Variants in SCTR observed in about 807,000 individuals in gnomAD.
SCTR encodes the protein secretin receptor.
SCTR carries 56 observed loss-of-function variants against 60.8 expected under a neutral mutation model. The ratio of observed to expected loss-of-function variants is 0.92; its 90% CI spans 0.74 to 1.15. The LOEUF (loss-of-function observed/expected upper bound fraction) is 1.15. Ranked by LOEUF, SCTR falls within the 50% of genes most tolerant of loss-of-function variation. The pLI, the probability that SCTR is intolerant of heterozygous loss-of-function variation, is 0.00. For missense variants in SCTR, 562 were observed against 550.4 expected (o/e 1.02, Z -0.21); for synonymous variants, 202 against 217.0 (o/e 0.93, Z 0.61).
intron 9 of SCTR, among the ~76,000 whole-genome samples, chr2:119,449,446 G>T (rs909819456): frequency 2.6e-5 from 4 of 152,156 alleles, no homozygotes; most frequent in Admixed American, 2.6e-4. Flanking sequence ...GATTGGAAGA[G>T]AAAATATCTT....
intron 1 of SCTR, among the ~76,000 whole-genome samples, chr2:119,501,234 C>G (rs1207065952): frequency 1.3e-5 from 2 of 152,022 alleles, no homozygotes; most frequent in African/African-American, 4.8e-5. Context: ...CACGGTGAAA[C>G]CCTGTCTCTA....
chr2:119,458,782 C>G (rs1683482438), intron 7 of SCTR, among the ~76,000 whole-genome samples: 1 of 152,144 alleles, frequency 6.6e-6, no homozygotes. Flanking sequence ...TGAGCAACAC[C>G]TGGGAACACG....
intron 1 of SCTR, among the ~76,000 whole-genome samples, chr2:119,495,158 T>C (rs956699893): frequency 6.6e-6 from 1 of 151,944 alleles, no homozygotes; most frequent in African/African-American, 2.4e-5. Flanking sequence ...CAGATATATA[T>C]ACACACACAT....
At chr2:119,463,697 C>G (rs1328035097) in intron 6 of SCTR, among the ~76,000 whole-genome samples, 1 of 152,208 alleles carries the variant, frequency 6.6e-6, no homozygotes, top group Non-Finnish European at 1.5e-5. Flanking sequence ...TAAGAAAACA[C>G]AACGTTTTAT....
chr2:119,442,726 A>G (rs1682701552), intron 11 of SCTR, among the ~76,000 whole-genome samples: 1 of 152,094 alleles, frequency 6.6e-6, no homozygotes, highest in Non-Finnish European at 1.5e-5. Flanking sequence ...GCACATTAGA[A>G]TCACCTGGGA....
chr2:119,491,208 T>C (rs573327626), intron 2 of SCTR, among the ~76,000 whole-genome samples: 1 of 152,342 alleles, frequency 6.6e-6, no homozygotes, highest in East Asian at 1.9e-4. Context: ...GAGGTGATCT[T>C]TTCATAATGC....
At chr2:119,442,945 T>A (rs1682710678) in intron 11 of SCTR, among the ~76,000 whole-genome samples, 1 of 151,928 alleles carries the variant, frequency 6.6e-6, no homozygotes, top group South Asian at 2.1e-4. Flanking sequence ...CCCAGGTGCT[T>A]CATTTAACCT....
intron 4 of SCTR, among the ~76,000 whole-genome samples, chr2:119,472,702 C>T (rs1314011691): frequency 1.3e-5 from 2 of 152,160 alleles, no homozygotes; most frequent in African/African-American, 4.8e-5. Context: ...AGTGCAGCGA[C>T]ACAATCACTG....
At chr2:119,481,409 G>C (rs1013844817) in intron 2 of SCTR, among the ~76,000 whole-genome samples, 2 of 152,176 alleles carry the variant, frequency 1.3e-5, no homozygotes, top group African/African-American at 4.8e-5. Flanking sequence ...GAGATATGCA[G>C]ATCTCTAGGC....
rs60387214 is a variant in SCTR, at chr2:119,514,613, C to G, written c.72+9542G>C. 8.8e-3 allele frequency among the ~76,000 whole-genome samples: 1,337 copies of G among 152,250 alleles called. 23 individuals carry two copies. Among genetic ancestry groups the G allele is most frequent in the African/African-American group, 0.03 (1,252 of 41,536 alleles). On this transcript the variant is annotated intron_variant, in intron 1 of 12. Coordinates refer to ENST00000019103, the MANE Select transcript of SCTR (RefSeq NM_002980.3). ...AATAAAGGCTGGGTGCAGTGGCTCA[C>G]GGCTGCAATCCTAGCACTTTGGGAG...
intron 1 of SCTR, among the ~76,000 whole-genome samples, chr2:119,509,527 G>A (rs1404186191): frequency 6.6e-6 from 1 of 152,192 alleles, no homozygotes; most frequent in East Asian, 1.9e-4. Flanking sequence ...ACATATCTAT[G>A]ATGGGAAGCC....
chr2:119,456,342 G>T (rs920061741), intron 7 of SCTR, among the ~76,000 whole-genome samples: 1 of 152,100 alleles, frequency 6.6e-6, no homozygotes, highest in Non-Finnish European at 1.5e-5. Context: ...TTACAGGTGT[G>T]AGCCACTGTG....
intron 1 of SCTR, among the ~76,000 whole-genome samples, chr2:119,513,534 T>C (rs984577288): frequency 6.6e-6 from 1 of 152,248 alleles, no homozygotes; most frequent in Admixed American, 6.5e-5. Context: ...CTTTTTGGTT[T>C]CAGAGCCTGA....
At chr2:119,502,987 TA>T (rs35814848) in intron 1 of SCTR, among the ~76,000 whole-genome samples, 106,513 of 144,426 alleles carry the variant, frequency 0.74, 40,143 homozygotes, top group East Asian at 0.9. Flanking sequence ...TCATCTCTAC[TA>T]AAAAAAAAAA....
At chr2:119,445,129 T>A (rs1682877775) in intron 11 of SCTR, among the ~76,000 whole-genome samples, 1 of 151,976 alleles carries the variant, frequency 6.6e-6, no homozygotes, top group Admixed American at 6.6e-5. Context: ...GTCCCAACCA[T>A]TAGCCCCAAC....
chr2:119,461,750 A>T, intron 7 of SCTR, 97 bp downstream of exon 7: 2 of 833,444 alleles, frequency 2.4e-6, no homozygotes, highest in Non-Finnish European at 3.6e-6. Flanking sequence ...CAAGTTAGTT[A>T]AGTGTGGAGC....
At chr2:119,511,029 C>G (rs1012970757) in intron 1 of SCTR, among the ~76,000 whole-genome samples, 2 of 151,542 alleles carry the variant, frequency 1.3e-5, no homozygotes, top group South Asian at 2.1e-4. Flanking sequence ...AACCCCGTCT[C>G]TACTAAAAAT....
chr2:119,513,675 T>C (rs1679024898), intron 1 of SCTR, among the ~76,000 whole-genome samples: 1 of 152,192 alleles, frequency 6.6e-6, no homozygotes, highest in Non-Finnish European at 1.5e-5. Flanking sequence ...ATCCACTTTC[T>C]TTTTTCTTGT....
chr2:119,455,040 T>A (rs991276805), intron 7 of SCTR, among the ~76,000 whole-genome samples: 2 of 151,862 alleles, frequency 1.3e-5, no homozygotes, highest in African/African-American at 4.9e-5. Context: ...TCAGATTCTT[T>A]TTTTTTTAAG....
Sources: allele counts gnomAD v4.1 joint callset (sites outside exome capture counted in the v4.1 genomes callset), GRCh38; gene constraint gnomAD v4.1.1; transcripts MANE v1.5; gene names NCBI Gene and HGNC (gene_info 2026-07-23, HGNC 2026-07-21).